EPB41L4A: variants seen among roughly 807,000 people sequenced by gnomAD.
EPB41L4A encodes the protein band 4.1-like protein 4A.
EPB41L4A carries 100 observed loss-of-function variants against 108.6 expected under a neutral mutation model. The observed-to-expected ratio is 0.92, with a 90% CI of 0.78 to 1.09. The LOEUF is 1.09. Ranked by LOEUF, EPB41L4A falls within the 50% of genes least tolerant of loss-of-function variation. EPB41L4A has a pLI of 0.00. For missense variants in EPB41L4A, 1,030 were observed against 842.7 expected, an observed-to-expected ratio of 1.22 and a Z score of -2.75; for synonymous variants, 319 against 289.0, an observed-to-expected ratio of 1.10 and a Z score of -1.05.
At chr5:112,205,091 G>C (rs969651073) in intron 14 of EPB41L4A, among the ~76,000 whole-genome samples, 2 of 152,154 alleles carry the variant, frequency 1.3e-5, no homozygotes, top group African/African-American at 4.8e-5. Flanking sequence ...TTTGACTTAA[G>C]TTTTTAACCA....
intron 1 of EPB41L4A, among the ~76,000 whole-genome samples, chr5:112,362,836 A>G (rs898348671): frequency 2.6e-5 from 4 of 152,202 alleles, no homozygotes; most frequent in Non-Finnish European, 1.5e-5. Context: ...CTGACGATTC[A>G]TCTCAAACCT....
chr5:112,255,376 C>A (rs1033073725), intron 9 of EPB41L4A, among the ~76,000 whole-genome samples: 1 of 152,032 alleles, frequency 6.6e-6, no homozygotes, highest in Non-Finnish European at 1.5e-5. Context: ...ATTTCTTTTT[C>A]TGACTTTTAC....
chr5:112,295,957 T>C (rs1488935745), intron 2 of EPB41L4A, among the ~76,000 whole-genome samples: 2 of 152,228 alleles, frequency 1.3e-5, no homozygotes, highest in Non-Finnish European at 2.9e-5. Flanking sequence ...CTTATCTGTC[T>C]TAGGAATAGA....
At chr5:112,169,803 C>T (rs1478488138) in intron 20 of EPB41L4A, among the ~76,000 whole-genome samples, 1 of 152,142 alleles carries the variant, frequency 6.6e-6, no homozygotes, top group Non-Finnish European at 1.5e-5. Context: ...ACAAAGCAGG[C>T]ACTCACTTTC....
intron 1 of EPB41L4A, among the ~76,000 whole-genome samples, chr5:112,395,302 A>G (rs1265098581): frequency 1.3e-5 from 2 of 152,232 alleles, no homozygotes; most frequent in Non-Finnish European, 2.9e-5. Flanking sequence ...ATCAGAGTGA[A>G]CAGGCAACCT....
At chr5:112,252,646 T>C (rs970990599) in intron 9 of EPB41L4A, among the ~76,000 whole-genome samples, 12 of 151,900 alleles carry the variant, frequency 7.9e-5, no homozygotes, top group South Asian at 2.1e-4. Context: ...GAACTAAACA[T>C]TGAATACACA....
intron 1 of EPB41L4A, among the ~76,000 whole-genome samples, chr5:112,393,940 C>A (rs568238739): frequency 2.0e-5 from 3 of 152,148 alleles, no homozygotes; most frequent in African/African-American, 7.2e-5. Flanking sequence ...TCAACATACG[C>A]AAATCAATAA....
intron 15 of EPB41L4A, among the ~76,000 whole-genome samples, chr5:112,198,557 G>C (rs1033133758): frequency 3.9e-5 from 6 of 152,078 alleles, no homozygotes; most frequent in African/African-American, 1.4e-4. Flanking sequence ...TATTCGCTTT[G>C]CTGTTTCTTT....
chr5:112,338,145 C>T (rs13188902), intron 1 of EPB41L4A, among the ~76,000 whole-genome samples: 2 of 151,914 alleles, frequency 1.3e-5, no homozygotes, highest in African/African-American at 2.4e-5. Flanking sequence ...AAAAATATGC[C>T]CATGAATACA....
intron 9 of EPB41L4A, among the ~76,000 whole-genome samples, chr5:112,252,355 G>C (rs12655450): frequency 0.027 from 4,131 of 152,126 alleles, 280 homozygotes; most frequent in East Asian, 0.27. Flanking sequence ...ACCACACCTA[G>C]CACCCAGATC....
chr5:112,403,331 C>A (rs1394919634), intron 1 of EPB41L4A, among the ~76,000 whole-genome samples: 1 of 143,452 alleles, frequency 7.0e-6, no homozygotes, highest in African/African-American at 2.8e-5. Context: ...TCCTCATAAT[C>A]CTCAGCAAAA....
intron 6 of EPB41L4A, chr5:112,263,435 C>A (rs1406043063): frequency 6.6e-6 from 1 of 152,206 alleles, no homozygotes; most frequent in Non-Finnish European, 1.5e-5. Flanking sequence ...ACACTTTGAT[C>A]AAGCTTTATT....
chr5:112,316,337 T>C (rs900923410), intron 1 of EPB41L4A, among the ~76,000 whole-genome samples: 2 of 152,218 alleles, frequency 1.3e-5, no homozygotes, highest in African/African-American at 4.8e-5. Flanking sequence ...AAAAATTCAC[T>C]CTATCTTTAT....
chr5:112,363,432 A>AAG, intron 1 of EPB41L4A: 1 of 152,278 alleles, frequency 6.6e-6, no homozygotes, highest in African/African-American at 2.4e-5. Flanking sequence ...AAAAAAAAAA[A>AAG]AAAAATCAGC....
chr5:112,312,878 G>A (rs997428398), intron 1 of EPB41L4A, among the ~76,000 whole-genome samples: 1 of 152,092 alleles, frequency 6.6e-6, no homozygotes, highest in African/African-American at 2.4e-5. Flanking sequence ...AGGTCCAGAA[G>A]AAATCATCTT....
At chr5:112,178,982 TGAAGA>T (rs1761012335) in intron 18 of EPB41L4A, among the ~76,000 whole-genome samples, 1 of 147,726 alleles carries the variant, frequency 6.8e-6, no homozygotes, top group African/African-American at 2.5e-5. Flanking sequence ...TAAAAAAAAA[TGAAGA>T]GAAAACACAA....
intron 7 of EPB41L4A, among the ~76,000 whole-genome samples, chr5:112,260,873 T>A (rs1201829212): frequency 6.6e-6 from 1 of 152,216 alleles, no homozygotes; most frequent in African/African-American, 2.4e-5. Context: ...CAATGCCCAC[T>A]TTCAGTTCTT....
chr5:112,331,941 CA>C (rs1489930815), intron 1 of EPB41L4A, among the ~76,000 whole-genome samples: 1 of 152,198 alleles, frequency 6.6e-6, no homozygotes, highest in Non-Finnish European at 1.5e-5. Context: ...AAGTGACTCC[CA>C]AGAACAGCCA....
chr5:112,262,454 A>C (rs374807466), intron 7 of EPB41L4A, 40 bp downstream of exon 7: 11 of 1,555,644 alleles, frequency 7.1e-6, no homozygotes, highest in Non-Finnish European at 9.7e-6. Context: ...GAAAAATGTC[A>C]TCAGCTTAAA....
Sources: gnomAD v4.1 joint callset for allele counts (sites outside exome capture counted in the v4.1 genomes callset) on GRCh38, gnomAD v4.1.1 for gene constraint, MANE v1.5 for transcripts, NCBI Gene and HGNC (gene_info 2026-07-23, HGNC 2026-07-21) for gene names.